The following STPG1 variants were observed in gnomAD, a reference collection of about 807,000 sequenced individuals.
STPG1 encodes the protein O(6)-methylguanine-induced apoptosis 2.
STPG1 carries 33 observed loss-of-function variants against 40.1 expected under a neutral mutation model. The observed-to-expected ratio is 0.82, with a 90% CI of 0.62 to 1.10. The LOEUF (loss-of-function observed/expected upper bound fraction) is 1.10, where lower values mean the gene tolerates loss of function less well. STPG1 is among the 50% of genes least tolerant of loss of function. STPG1 has a pLI of 0.00. For missense variants in STPG1, 396 were observed against 415.1 expected (o/e 0.95, Z 0.40); for synonymous variants, 150 against 155.0 (o/e 0.97, Z 0.24).
At chr1:24,361,164 G>C in intron 7 of STPG1, 123 bp from the exon 8 acceptor site, 1 of 816,578 alleles carries the variant, frequency 1.2e-6, no homozygotes, top group Non-Finnish European at 1.8e-6. Context: ...TCACGGCACT[G>C]GGGCAGAGCC....
intron 1 of STPG1, among the ~76,000 whole-genome samples, chr1:24,405,050 C>A (rs1347983118): frequency 6.6e-6 from 1 of 152,204 alleles, no homozygotes; most frequent in African/African-American, 2.4e-5. Context: ...CTCCAACTCC[C>A]AGGTTCAAGT....
At chr1:24,363,662 G>A (rs978005236) in intron 7 of STPG1, among the ~76,000 whole-genome samples, 1 of 152,230 alleles carries the variant, frequency 6.6e-6, no homozygotes, top group African/African-American at 2.4e-5. Flanking sequence ...CATGAAATCT[G>A]TTCGAATAGA....
intron 1 of STPG1, chr1:24,410,728 G>A (rs1643586770): frequency 6.6e-6 from 1 of 152,410 alleles, no homozygotes; most frequent in Admixed American, 6.5e-5. Flanking sequence ...GAGAGCAGGT[G>A]CAGGACAGAT....
intron 7 of STPG1, chr1:24,369,443 TATA>T (rs1318138316): frequency 3.0e-6 from 2 of 662,860 alleles, no homozygotes; most frequent in African/African-American, 1.8e-5. Flanking sequence ...ACAACAGGAT[TATA>T]ATAATAATTG....
chr1:24,383,918 C>A lies in STPG1; in HGVS notation c.275G>T (p.Cys92Phe), dbSNP rs926406764. The stretch of plus-strand genomic sequence containing the variant: ...GGTTCTCACCATTGAGGGAAACATG[C>A]AAGTTCCTTTCTTGGACAATGAGAC... ...NSVSLSKKGT[C>F]MFPSMCARLD... is the part of the protein sequence containing the mutation. The change falls in exon 4 of 9, where the codon TGC becomes TTC. Residue 92 changes from cysteine (C) to phenylalanine (F), a missense_variant. Coordinates refer to ENST00000337248, the MANE Select transcript of STPG1 (RefSeq NM_001199013.2). 1.2e-6 allele frequency: 2 copies of A among 1,612,486 alleles called. No homozygotes were observed. The highest frequency in any genetic ancestry group is 1.7e-6 in the Non-Finnish European group (2 of 1,178,468).
rs771106510 is a variant in STPG1, at chr1:24,369,681, G to C, written c.730C>G (p.Leu244Val). 2.5e-6 allele frequency: 4 copies of C among 1,590,580 alleles called. No individual in the cohort carries two copies. The highest frequency in any genetic ancestry group is 3.4e-6 in the Non-Finnish European group (4 of 1,165,784). ...SDCTKVPKKTLFPKNPILNFS... is the reference protein window; with the variant it reads ...SDCTKVPKKTVFPKNPILNFS... ...AGAATGATTGGGACTCACGGGAAAA[G>C]AGTCTTTTTTGGAACTTTTGTGCAA... Residue 244 changes from leucine to valine, a missense_variant, in exon 7 of 9, where the codon CTT becomes GTT. Leu to Val is a conservative substitution (Grantham distance 32). Coordinates refer to ENST00000337248, the MANE Select transcript of STPG1 (RefSeq NM_001199013.2).
At position 24,390,793 on chromosome 1, in the gene STPG1, A is replaced by G. The variant is rs180960350; in HGVS notation, c.189+768T>C. ...TTAAAGTAGGGCAGGGCTCATTACA[A>G]AGGTAATTTTTTTTTTTTTAATTTC... is the stretch of plus-strand genomic sequence containing the variant. On this transcript the variant is annotated intron_variant, in intron 3 of 8. Transcript: ENST00000337248. 1.7e-3 allele frequency among the ~76,000 whole-genome samples: 264 copies of G among 151,436 alleles called. 2 individuals carry two copies. The highest frequency in any genetic ancestry group is 6.0e-3 in the African/African-American group (248 of 41,094).
intron 1 of STPG1, among the ~76,000 whole-genome samples, chr1:24,404,677 C>T (rs1256429727): frequency 6.6e-6 from 1 of 152,104 alleles, no homozygotes; most frequent in Non-Finnish European, 1.5e-5. Context: ...TTTTTCATTT[C>T]ATCTATCACG....
chr1:24,363,549 C>T (rs1641259840), intron 7 of STPG1, among the ~76,000 whole-genome samples: 1 of 152,232 alleles, frequency 6.6e-6, no homozygotes. Flanking sequence ...AGGCTCTTAA[C>T]CTCCTTAAGC....
chr1:24,414,489 G>GTCCC (rs967176072), upstream of STPG1: 1 of 148,700 alleles, frequency 6.7e-6, no homozygotes, highest in Non-Finnish European at 1.5e-5. Flanking sequence ...CCTGCTTAAA[G>GTCCC]TCCTCCAATG....
chr1:24,410,571 C>T (rs553321110), intron 1 of STPG1: 238 of 152,774 alleles, frequency 1.6e-3, no homozygotes, highest in Admixed American at 3.6e-3. Flanking sequence ...ATCGCGCCAC[C>T]GCACTCCAGC....
intron 7 of STPG1, chr1:24,369,302 G>C (rs1041374208): frequency 2.1e-6 from 1 of 472,484 alleles, no homozygotes; most frequent in African/African-American, 2.0e-5. Flanking sequence ...CAGCATCACA[G>C]GGAATGAGGA....
At chr1:24,405,836 C>A (rs1279644243) in intron 1 of STPG1, among the ~76,000 whole-genome samples, 1 of 151,992 alleles carries the variant, frequency 6.6e-6, no homozygotes, top group Non-Finnish European at 1.5e-5. Context: ...TTAACATGGC[C>A]ATTTTGGCTT....
intron 5 of STPG1, among the ~76,000 whole-genome samples, chr1:24,377,567 G>A (rs1557442776): frequency 6.6e-6 from 1 of 152,154 alleles, no homozygotes; most frequent in African/African-American, 2.4e-5. Context: ...CCAAGTCAGA[G>A]AAGGCTGACT....
In STPG1 at chr1:24,401,310, C is replaced by CACAT; in HGVS notation, c.70+5_70+8dup. The CACAT allele has an allele frequency of 6.2e-7, 1 of 1,613,712 alleles. No homozygotes were observed. The highest frequency in any genetic ancestry group is 8.5e-7 in the Non-Finnish European group (1 of 1,179,662). Reference sequence around the variant, plus strand: ...AGGAGCTATCTCCTCCCTGCAAAGACACATGTACCTTTCTGTACTTCACTG... The same window carrying CACAT: ...AGGAGCTATCTCCTCCCTGCAAAGACACATACATGTACCTTTCTGTACTTCACTG... On this transcript the variant is annotated intron_variant, in intron 2 of 8. Transcript: ENST00000337248.
Position 24,379,814 on chromosome 1 carries a change from A to C in STPG1, c.301T>G (p.Leu101Val), listed in dbSNP as rs148922346. Reference protein sequence around the residue: ...TCMFPSMCARLDTIISKYPAA... With the variant: ...TCMFPSMCARVDTIISKYPAA... The stretch of plus-strand genomic sequence containing the variant: ...GGGTATTTAGAAATGATGGTGTCCA[A>C]TCGGGCGCACTGTAAGGAGACAACC... The change falls in exon 5 of 9, where the codon TTG (leucine) becomes GTG (valine). Residue 101 changes from leucine (L) to valine (V), a missense_variant. Transcript: ENST00000337248. 2 of 1,613,970 alleles carry C rather than the reference A, an allele frequency of 1.2e-6. No homozygotes were observed. Among genetic ancestry groups the C allele is most frequent in the Non-Finnish European group, 8.5e-7 (1 of 1,179,810 alleles).
At chr1:24,370,479 C>T (rs1332819471) in intron 6 of STPG1, among the ~76,000 whole-genome samples, 1 of 151,728 alleles carries the variant, frequency 6.6e-6, no homozygotes, top group Non-Finnish European at 1.5e-5. Context: ...TACCACCACA[C>T]CCTGCAAATT....
At chr1:24,379,516 A>G in intron 5 of STPG1, 137 bp downstream of exon 5, 2 of 920,114 alleles carry the variant, frequency 2.2e-6, no homozygotes, top group South Asian at 3.1e-5. Flanking sequence ...AGCCTTAGGC[A>G]CCCATTGGGT....
intron 2 of STPG1, among the ~76,000 whole-genome samples, chr1:24,393,525 TA>T (rs1642867563): frequency 6.6e-6 from 1 of 152,086 alleles, no homozygotes; most frequent in South Asian, 2.1e-4. Context: ...GAGAGTTATT[TA>T]AAAAAGGTTA....
Sources: gnomAD v4.1 joint callset for allele counts (sites outside exome capture counted in the v4.1 genomes callset) on GRCh38, gnomAD v4.1.1 for gene constraint, MANE v1.5 for transcripts, NCBI Gene and HGNC (gene_info 2026-07-23, HGNC 2026-07-21) for gene names.